The following TMEM164 variants were observed in gnomAD, a reference collection of about 807,000 sequenced individuals.
TMEM164 encodes the protein RP13-360B22.2.
A neutral mutation model predicts 18.8 loss-of-function variants in TMEM164; 4 were observed. The ratio of observed to expected loss-of-function variants is 0.21; its 90% confidence interval spans 0.10 to 0.49. The LOEUF is 0.49. TMEM164 is among the 20% of genes least tolerant of loss of function. The pLI is 0.98. For synonymous variants in TMEM164, 86 were observed against 101.7 expected, an observed-to-expected ratio of 0.85 and a Z score of 0.93; for missense variants, 108 against 239.9, an observed-to-expected ratio of 0.45 and a Z score of 3.63.
intron 3 of TMEM164, among the ~76,000 whole-genome samples, chrX:110,108,791 T>TATTC (rs1238516350): frequency 8.9e-6 from 1 of 112,420 alleles, no homozygotes; most frequent in Non-Finnish European, 1.9e-5. Context: ...ACTGACTGAA[T>TATTC]GTTTAGGGAA....
At chrX:110,170,179 G>A (rs2067211980) in intron 5 of TMEM164, among the ~76,000 whole-genome samples, 1 of 112,344 alleles carries the variant, frequency 8.9e-6, no homozygotes, top group Admixed American at 9.4e-5. Context: ...GGAATTCCTA[G>A]GCCCCTCCTT....
intron 3 of TMEM164, among the ~76,000 whole-genome samples, chrX:110,078,396 T>C (rs1460609831): frequency 8.9e-6 from 1 of 112,261 alleles, no homozygotes; most frequent in Non-Finnish European, 1.9e-5. Context: ...GTTTCAACTT[T>C]CTCTGGAGTC....
intron 3 of TMEM164, among the ~76,000 whole-genome samples, chrX:110,096,723 A>G (rs1016561409): frequency 2.7e-5 from 3 of 111,935 alleles, no homozygotes; most frequent in African/African-American, 6.5e-5. Context: ...TGAACCTGGT[A>G]CCTCAGTTGG....
chrX:110,079,733 T>C (rs1292375369), intron 3 of TMEM164, among the ~76,000 whole-genome samples: 2 of 108,887 alleles, frequency 1.8e-5, no homozygotes, highest in Admixed American at 2.0e-4. Context: ...AATTAAGAAA[T>C]GAACAAGATA....
At chrX:110,105,679 G>GAGACAC (rs2066180220) in intron 3 of TMEM164, among the ~76,000 whole-genome samples, 1 of 65,438 alleles carries the variant, frequency 1.5e-5, no homozygotes, top group Non-Finnish European at 3.0e-5. Context: ...TAGAAACACA[G>GAGACAC]ACACACACAC....
intron 2 of TMEM164, among the ~76,000 whole-genome samples, chrX:110,024,161 G>A (rs946337897): frequency 1.3e-4 from 15 of 112,741 alleles, no homozygotes; most frequent in Non-Finnish European, 3.8e-5. Context: ...TCACGGATGG[G>A]TTAGTTAGCC....
At position 110,031,228 on chromosome X, in the gene TMEM164, C is replaced by T. The variant is rs1934491167; in HGVS notation, c.390+27064C>T. ...GCTTCATCCATGTCCCTGTAAAGGA[C>T]ATTAACTGATTGTTTTTTATGGCTG... On this transcript the variant is annotated intron_variant, in intron 2 of 6. Coordinates refer to ENST00000372068, the MANE Select transcript of TMEM164 (RefSeq NM_032227.4). 3.6e-5 allele frequency among the ~76,000 whole-genome samples: 4 copies of T among 112,307 alleles called. No individual in the cohort carries two copies. The Admixed American group carries it at 3.8e-4, about 11-fold the overall frequency.
chrX:110,178,473 G>C (rs1481025641), downstream of TMEM164, among the ~76,000 whole-genome samples: 1 of 111,821 alleles, frequency 8.9e-6, no homozygotes, highest in Non-Finnish European at 1.9e-5. Flanking sequence ...CTTCCCCCAT[G>C]TGTTCTTTTT....
intron 2 of TMEM164, among the ~76,000 whole-genome samples, chrX:110,022,439 G>A (rs1012753296): frequency 9.0e-6 from 1 of 111,339 alleles, no homozygotes; most frequent in Admixed American, 9.5e-5. Flanking sequence ...TTGTAGGATG[G>A]GTGCCAGCAC....
chrX:110,135,343 C>G (rs1275537898), intron 4 of TMEM164, among the ~76,000 whole-genome samples: 1 of 111,483 alleles, frequency 9.0e-6, no homozygotes, highest in Non-Finnish European at 1.9e-5. Context: ...AGTAATACAT[C>G]TTCCAGAGTG....
intron 2 of TMEM164, among the ~76,000 whole-genome samples, chrX:110,031,378 A>G (rs765902478): frequency 8.9e-6 from 1 of 112,203 alleles, no homozygotes; most frequent in South Asian, 3.7e-4. Context: ...TGAGTGCAGC[A>G]GCACGATCAG....
intron 2 of TMEM164, among the ~76,000 whole-genome samples, chrX:110,027,233 T>G (rs958944535): frequency 9.0e-6 from 1 of 111,633 alleles, no homozygotes; most frequent in African/African-American, 3.3e-5. Context: ...TTTGCTAAGA[T>G]TTTTTAAAAA....
chrX:110,075,625 A>T (rs756976707), intron 3 of TMEM164, among the ~76,000 whole-genome samples: 1 of 111,649 alleles, frequency 9.0e-6, no homozygotes, highest in African/African-American at 3.3e-5. Context: ...ATTTTGAGGT[A>T]TATTCTTTCA....
intron 4 of TMEM164, among the ~76,000 whole-genome samples, chrX:110,126,948 A>C (rs1226968076): frequency 1.8e-5 from 2 of 108,374 alleles, no homozygotes; most frequent in Non-Finnish European, 3.8e-5. Flanking sequence ...TTTGTAGGTC[A>C]ACTAGGTGGT....
chrX:110,020,834 T>C (rs905392548), intron 2 of TMEM164, among the ~76,000 whole-genome samples: 4 of 111,457 alleles, frequency 3.6e-5, no homozygotes, highest in African/African-American at 1.3e-4. Flanking sequence ...AGCAGAATGG[T>C]AAATCTGGCC....
rs775526631 is a variant in TMEM164 at position 110,130,029 on chromosome X, A to G, written c.508-14769A>G. 1.1e-4 allele frequency among the ~76,000 whole-genome samples: 12 copies of G among 112,735 alleles called. No individual in the cohort carries two copies. The Admixed American group carries it at 1.1e-3, about 11-fold the overall frequency. The stretch of plus-strand genomic sequence containing the variant: ...CAGAGGCCATTTGTATCTTGTTTAT[A>G]ATAGTTGGCACATAGTAGATGCTCA... On this transcript the variant is annotated intron_variant, in intron 4 of 6. Coordinates refer to ENST00000372068, the MANE Select transcript of TMEM164 (RefSeq NM_032227.4).
chrX:110,006,682 A>AT (rs763487733), intron 2 of TMEM164, among the ~76,000 whole-genome samples: 39 of 112,441 alleles, frequency 3.5e-4, no homozygotes, highest in Non-Finnish European at 6.2e-4. Context: ...CCAGAATACC[A>AT]TAATACCTTG....
intron 2 of TMEM164, among the ~76,000 whole-genome samples, chrX:110,034,358 A>G (rs1003820334): frequency 8.9e-6 from 1 of 112,510 alleles, no homozygotes; most frequent in Admixed American, 9.4e-5. Context: ...TGCAAAAGCA[A>G]TGCATACTCA....
rs746695781 is a variant in TMEM164 at position 110,173,264 on chromosome X, A to G, written c.707A>G (p.Asn236Ser). 8.3e-7 allele frequency: 1 copy of G among 1,210,881 alleles called. No individual in the cohort carries two copies. Among genetic ancestry groups the G allele is most frequent in the Non-Finnish European group, 1.1e-6 (1 of 895,341 alleles). The change falls in exon 7 of 7, where the codon AAC (asparagine) becomes AGC (serine). Residue 236 changes from asparagine (N) to serine (S), a missense_variant. By Grantham distance (46) the Asn-to-Ser change is conservative. Transcript: ENST00000372068. ...ILGLVTEVNL[N>S]NMLCPAISDP... ...CTGCAGGTCACCGAAGTGAATTTGA[A>G]CAACATGCTGTGTCCGGCCATCTCA...
Sources: gnomAD v4.1 joint callset for allele counts (sites outside exome capture counted in the v4.1 genomes callset) on GRCh38, gnomAD v4.1.1 for gene constraint, MANE v1.5 for transcripts, NCBI Gene and HGNC (gene_info 2026-07-23, HGNC 2026-07-21) for gene names.